Variants in SLC38A9 observed in about 807,000 individuals in gnomAD.
SLC38A9 encodes solute carrier family 38 member 9.
Under a neutral mutation model 62.3 loss-of-function variants are expected in SLC38A9, and 48 were observed. The observed-to-expected ratio is 0.77, with a 90% confidence interval of 0.61 to 0.98. SLC38A9 has a LOEUF of 0.98. Ranked by LOEUF, SLC38A9 falls within the 50% of genes least tolerant of loss-of-function variation. The pLI is 0.00. For missense variants in SLC38A9, 541 were observed against 679.8 expected (o/e 0.80, Z 2.27); for synonymous variants, 204 against 227.7 (o/e 0.90, Z 0.94).
At chr5:55,629,418 A>T (rs185842276) in intron 14 of SLC38A9, among the ~76,000 whole-genome samples, 148 of 152,264 alleles carry the variant, frequency 9.7e-4, no homozygotes, top group African/African-American at 3.3e-3. Context: ...TCCAAAGTAT[A>T]AAAAAAGTCC....
intron 7 of SLC38A9, among the ~76,000 whole-genome samples, chr5:55,668,470 T>C (rs899123609): frequency 6.6e-6 from 1 of 152,218 alleles, no homozygotes; most frequent in Non-Finnish European, 1.5e-5. Context: ...TGGGCTAAAG[T>C]GATCTTCCCA....
intron 3 of SLC38A9, among the ~76,000 whole-genome samples, chr5:55,692,293 C>CAGGT (rs1754865948): frequency 6.6e-6 from 1 of 152,184 alleles, no homozygotes; most frequent in South Asian, 2.1e-4. Flanking sequence ...TTATATTATA[C>CAGGT]AGGTACTATT....
chr5:55,699,768 G>A (rs565070497), intron 2 of SLC38A9, among the ~76,000 whole-genome samples: 2 of 152,142 alleles, frequency 1.3e-5, no homozygotes, highest in East Asian at 3.9e-4. Flanking sequence ...CAATGAATGA[G>A]TTTAAAAGTT....
rs116569021 is a variant in SLC38A9 at position 55,657,547 on chromosome 5, G to A, written c.698-773C>T. 7.0e-3 allele frequency among the ~76,000 whole-genome samples: 1,040 copies of A among 149,102 alleles called. 11 individuals carry two copies. The highest frequency in any genetic ancestry group is 0.025 in the African/African-American group (999 of 40,528). On this transcript the variant is annotated intron_variant, in intron 8 of 15. Coordinates refer to ENST00000396865, the MANE Select transcript of SLC38A9 (RefSeq NM_173514.4). The stretch of plus-strand genomic sequence containing the variant: ...CTTTTATAGATCTAAGGCCATATAC[G>A]AATTGTTATTTACATAAGAACCACT...
At chr5:55,660,442 T>C (rs1169089346) in intron 8 of SLC38A9, among the ~76,000 whole-genome samples, 1 of 150,754 alleles carries the variant, frequency 6.6e-6, no homozygotes, top group Non-Finnish European at 1.5e-5. Context: ...TGTAATTAGG[T>C]TCTTTTATAA....
chr5:55,638,918 A>T (rs1744923410), intron 12 of SLC38A9, among the ~76,000 whole-genome samples: 1 of 152,228 alleles, frequency 6.6e-6, no homozygotes, highest in Non-Finnish European at 1.5e-5. Context: ...TCAAGAGGTC[A>T]ATCCACACAA....
At chr5:55,654,344 G>A (rs34254414) in intron 9 of SLC38A9, among the ~76,000 whole-genome samples, 90,460 of 151,980 alleles carry the variant, frequency 0.6, 27,588 homozygotes, top group South Asian at 0.7. Flanking sequence ...GCAGCTGGGC[G>A]CAGTGGCTCA....
intron 2 of SLC38A9, among the ~76,000 whole-genome samples, chr5:55,704,960 C>T (rs1456947368): frequency 6.6e-6 from 1 of 152,098 alleles, no homozygotes; most frequent in Admixed American, 6.5e-5. Flanking sequence ...TATAATGTGG[C>T]TGGTACACAC....
chr5:55,684,465 A>C (rs1753466247), intron 3 of SLC38A9, among the ~76,000 whole-genome samples: 1 of 152,188 alleles, frequency 6.6e-6, no homozygotes, highest in South Asian at 2.1e-4. Context: ...GATGAGTTAA[A>C]GTTGGGCTTC....
intron 12 of SLC38A9, among the ~76,000 whole-genome samples, chr5:55,644,583 G>A (rs1272150223): frequency 1.3e-5 from 2 of 151,634 alleles, no homozygotes; most frequent in Admixed American, 6.6e-5. Flanking sequence ...CACCATACCC[G>A]ACTAATTTTT....
intron 9 of SLC38A9, 145 bp downstream of exon 9, chr5:55,656,570 C>T (rs1748465204): frequency 5.0e-6 from 3 of 604,916 alleles, no homozygotes; most frequent in Non-Finnish European, 8.7e-6. Flanking sequence ...TTTTTAAACA[C>T]ACTACCAACA....
At chr5:55,653,425 G>C (rs574659984) in intron 9 of SLC38A9, among the ~76,000 whole-genome samples, 52 of 152,038 alleles carry the variant, frequency 3.4e-4, no homozygotes, top group Admixed American at 1.1e-3. Flanking sequence ...TTTATCACAC[G>C]AATAACCCAT....
chr5:55,658,131 G>C (rs986695825), intron 8 of SLC38A9: 3 of 151,774 alleles, frequency 2.0e-5, no homozygotes, highest in African/African-American at 7.3e-5. Flanking sequence ...GATTAGGGTG[G>C]GCCCTAAAGC....
At chr5:55,685,644 T>C (rs1180188099) in intron 3 of SLC38A9, among the ~76,000 whole-genome samples, 1 of 152,142 alleles carries the variant, frequency 6.6e-6, no homozygotes, top group Non-Finnish European at 1.5e-5. Flanking sequence ...AACTTTTAAG[T>C]TCAGGGTTAC....
At chr5:55,697,670 A>AAT (rs887168701) in intron 3 of SLC38A9, among the ~76,000 whole-genome samples, 176 bp downstream of exon 3, 2 of 123,944 alleles carry the variant, frequency 1.6e-5, no homozygotes, top group African/African-American at 5.5e-5. Context: ...AAAAAAAAAA[A>AAT]AAAAATATAA....
chr5:55,691,081 T>C (rs1481234953), intron 3 of SLC38A9: 18 of 677,444 alleles, frequency 2.7e-5, no homozygotes, highest in Non-Finnish European at 1.1e-5. Context: ...CCTAGGTTGT[T>C]TGAAGGGCAG....
At chr5:55,632,122 C>A (rs536117823) in intron 14 of SLC38A9, among the ~76,000 whole-genome samples, 22 of 152,230 alleles carry the variant, frequency 1.4e-4, no homozygotes, top group African/African-American at 5.1e-4. Context: ...CAATTCTAAA[C>A]AATTGATCAT....
rs1014674714 is a variant in SLC38A9 at position 55,677,569 on chromosome 5, T to C, written c.114-4874A>G. 3.9e-5 allele frequency among the ~76,000 whole-genome samples: 6 copies of C among 152,080 alleles called. No homozygotes were observed. The East Asian group carries it at 5.8e-4, about 15-fold the overall frequency. ...TTGTTTGTTTTGAGATAGGGTTCCA[T>C]TGTGTCGCCCAGGCTAGAGTACCGT... On this transcript the variant is annotated intron_variant, in intron 3 of 15. Transcript: ENST00000396865.
At chr5:55,678,028 C>CAGAAATGA (rs1417781173) in intron 3 of SLC38A9, among the ~76,000 whole-genome samples, 4 of 141,674 alleles carry the variant, frequency 2.8e-5, no homozygotes, top group African/African-American at 1.1e-4. Flanking sequence ...AGGAGGGTGT[C>CAGAAATGA]AGAAATGAAG....
Sources: allele counts gnomAD v4.1 joint callset (sites outside exome capture counted in the v4.1 genomes callset), GRCh38; gene constraint gnomAD v4.1.1; transcripts MANE v1.5; gene names NCBI Gene and HGNC (gene_info 2026-07-23, HGNC 2026-07-21).